The following MELK variants were observed in gnomAD, a reference collection of about 807,000 sequenced individuals.
MELK encodes maternal embryonic leucine zipper kinase, also known as pEg3 kinase.
Under a neutral mutation model 85.0 loss-of-function variants are expected in MELK, and 81 were observed. That is an observed-to-expected ratio of 0.95 (90% CI 0.80 to 1.15). The LOEUF is 1.15. Ranked by LOEUF, MELK falls within the 50% of genes most tolerant of loss-of-function variation. The probability of loss-of-function intolerance (pLI) is 0.00; values close to 1 mark genes in which losing one functional copy is unlikely to be tolerated. For synonymous variants in MELK, 252 were observed against 265.0 expected (o/e 0.95, Z 0.48); for missense variants, 754 against 777.5 (o/e 0.97, Z 0.36).
intron 16 of MELK, among the ~76,000 whole-genome samples, chr9:36,673,569 G>A (rs1564237619): frequency 6.6e-6 from 1 of 152,086 alleles, no homozygotes; most frequent in East Asian, 1.9e-4. Context: ...GCTGGGATGC[G>A]TGCTACCACA....
chr9:36,643,628 G>A (rs1829960945), intron 11 of MELK, among the ~76,000 whole-genome samples: 1 of 151,864 alleles, frequency 6.6e-6, no homozygotes, highest in African/African-American at 2.4e-5. Flanking sequence ...AAGAATTACA[G>A]TGAAAAAATA....
chr9:36,599,316 AAAAAAAAAG>A (rs1824660354), intron 6 of MELK, 69 bp from the exon 7 acceptor site: 10 of 968,166 alleles, frequency 1.0e-5, no homozygotes, highest in South Asian at 8.5e-5. Flanking sequence ...AAAAAAAAAA[AAAAAAAAAG>A]AATGTTTATC....
At chr9:36,615,122 T>A in intron 8 of MELK, among the ~76,000 whole-genome samples, 1 of 111,370 alleles carries the variant, frequency 9.0e-6, no homozygotes, top group South Asian at 3.2e-4. Context: ...GCAGAGGGGC[T>A]CCTCACTTCC....
chr9:36,671,856 G>A (rs1020162848), intron 16 of MELK, among the ~76,000 whole-genome samples: 8 of 152,316 alleles, frequency 5.3e-5, no homozygotes, highest in African/African-American at 1.7e-4. Flanking sequence ...TAATTAAGAG[G>A]TAAAGGGACG....
At chr9:36,656,265 C>T (rs1382746691) in intron 12 of MELK, among the ~76,000 whole-genome samples, 1 of 152,192 alleles carries the variant, frequency 6.6e-6, no homozygotes, top group Non-Finnish European at 1.5e-5. Flanking sequence ...GTTGTTTCCC[C>T]TCCATCTTCT....
At chr9:36,661,819 C>A (rs1461257485) in intron 13 of MELK, among the ~76,000 whole-genome samples, 1 of 151,936 alleles carries the variant, frequency 6.6e-6, no homozygotes, top group Admixed American at 6.6e-5. Flanking sequence ...CACCTCTAGT[C>A]CCAGTTACTT....
At chr9:36,597,173 G>A in intron 5 of MELK, 49 bp from the exon 6 acceptor site, 1 of 1,492,560 alleles carries the variant, frequency 6.7e-7, no homozygotes, top group Non-Finnish European at 9.3e-7. Flanking sequence ...GGTGGGATGT[G>A]ATATAAGGAA....
At chr9:36,576,787 C>T (rs1821702572) in intron 1 of MELK, among the ~76,000 whole-genome samples, 1 of 152,148 alleles carries the variant, frequency 6.6e-6, no homozygotes, top group Non-Finnish European at 1.5e-5. Context: ...CTGCCTTGGC[C>T]TACCAAAGTG....
chr9:36,610,964 T>C (rs1298436512), intron 8 of MELK, among the ~76,000 whole-genome samples: 4 of 152,224 alleles, frequency 2.6e-5, no homozygotes, highest in Non-Finnish European at 5.9e-5. Flanking sequence ...AAATTTGAAA[T>C]GCTCCAAAAT....
chr9:36,597,475 A>G (rs1284943423), intron 6 of MELK, among the ~76,000 whole-genome samples, 185 bp downstream of exon 6: 8 of 152,206 alleles, frequency 5.3e-5, no homozygotes, highest in Non-Finnish European at 1.2e-4. Flanking sequence ...ACATGCAATC[A>G]AGATTGAGAG....
chr9:36,625,612 CATTG>C (rs1827851429), intron 8 of MELK, among the ~76,000 whole-genome samples: 1 of 152,132 alleles, frequency 6.6e-6, no homozygotes, highest in Non-Finnish European at 1.5e-5. Flanking sequence ...TTCAAGGCTT[CATTG>C]CTGTAGTTCA....
At chr9:36,652,283 G>A (rs1158687587) in intron 12 of MELK, among the ~76,000 whole-genome samples, 3 of 150,916 alleles carry the variant, frequency 2.0e-5, no homozygotes, top group African/African-American at 4.9e-5. Flanking sequence ...CTGACCTCAA[G>A]TGATCAGCCT....
At chr9:36,600,192 C>G (rs189156906) in intron 7 of MELK, among the ~76,000 whole-genome samples, 1 of 151,528 alleles carries the variant, frequency 6.6e-6, no homozygotes, top group African/African-American at 2.4e-5. Context: ...CTCCTGGGTT[C>G]AAGCGATTCT....
chr9:36,605,953 TA>T (rs554431255), intron 7 of MELK, among the ~76,000 whole-genome samples: 796 of 128,278 alleles, frequency 6.2e-3, no homozygotes, highest in Admixed American at 6.3e-3. Context: ...ACCCTGTCTC[TA>T]AAAAAAAAAA....
At position 36,621,418 on chromosome 9, in the gene MELK, A is replaced by AAAAAT. The variant is rs113169316; in HGVS notation, c.667-8879_667-8878insAATAA. On this transcript the variant is annotated intron_variant, in intron 8 of 17. Coordinates refer to ENST00000298048, the MANE Select transcript of MELK (RefSeq NM_014791.4). ...ACTAAGATTTTGTAGACTTACCCAC[A>AAAAAT]AAGATAAGTAACTGTTATTTTACTT... 1.3e-3 allele frequency among the ~76,000 whole-genome samples: 195 copies of AAAAAT among 151,286 alleles called. 1 individual carries two copies. Among genetic ancestry groups the AAAAAT allele is most frequent in the African/African-American group, 4.3e-3 (176 of 41,044 alleles).
intron 8 of MELK, among the ~76,000 whole-genome samples, chr9:36,628,394 T>C (rs1387425285): frequency 6.6e-6 from 1 of 152,088 alleles, no homozygotes; most frequent in Non-Finnish European, 1.5e-5. Flanking sequence ...GGAAAAGGCT[T>C]TTTCTCAATT....
intron 13 of MELK, among the ~76,000 whole-genome samples, chr9:36,661,606 C>T (rs976960981): frequency 6.6e-6 from 1 of 152,036 alleles, no homozygotes; most frequent in African/African-American, 2.4e-5. Context: ...AACAATGAAA[C>T]CTTTCATACC....
chr9:36,649,267 A>T (rs146665251), intron 11 of MELK, among the ~76,000 whole-genome samples: 1 of 152,136 alleles, frequency 6.6e-6, no homozygotes, highest in Non-Finnish European at 1.5e-5. Context: ...CGGGCAGATC[A>T]TGAGGTCAGG....
At chr9:36,613,043 T>C (rs1414978151) in intron 8 of MELK, among the ~76,000 whole-genome samples, 1 of 152,202 alleles carries the variant, frequency 6.6e-6, no homozygotes, top group African/African-American at 2.4e-5. Context: ...CCCCGTGTAA[T>C]GTGGCCTCCC....
Sources: gnomAD v4.1 joint callset for allele counts (sites outside exome capture counted in the v4.1 genomes callset) on GRCh38, gnomAD v4.1.1 for gene constraint, MANE v1.5 for transcripts, NCBI Gene and HGNC (gene_info 2026-07-23, HGNC 2026-07-21) for gene names.